TMEM196: variants seen among roughly 807,000 people sequenced by gnomAD.
TMEM196 encodes transmembrane protein 196.
In TMEM196, 17 loss-of-function variants were observed where a neutral mutation model predicts 20.0. That is an observed-to-expected ratio of 0.85 (90% confidence interval 0.58 to 1.27). The LOEUF (loss-of-function observed/expected upper bound fraction) is 1.27. Ranked by LOEUF, TMEM196 falls within the 50% of genes most tolerant of loss-of-function variation. The probability of loss-of-function intolerance (pLI) is 0.00; values close to 1 mark genes in which losing one functional copy is unlikely to be tolerated. For synonymous variants in TMEM196, 113 were observed against 88.9 expected (o/e 1.27, Z -1.52); for missense variants, 267 against 223.0 (o/e 1.20, Z -1.26).
Position 19,721,343 on chromosome 7 carries a change from T to C in TMEM196, c.*785A>G, listed in dbSNP as rs538104303. The C allele has an allele frequency of 6.6e-6, 1 of 152,110 alleles. No homozygotes were observed. The highest frequency in any genetic ancestry group is 1.5e-5 in the Non-Finnish European group (1 of 67,846). 9.4% of individuals were successfully genotyped at this position (152,110 alleles called of 1,614,324 possible). A position where few individuals can be genotyped will look rare whatever the true frequency, so the allele number is the denominator to read the frequency against. On this transcript the variant is annotated 3_prime_UTR_variant, in exon 5 of 5. Coordinates refer to ENST00000405844, the MANE Select transcript of TMEM196 (RefSeq NM_001363562.2). Reference sequence around the variant, plus strand: ...GTATACATGTTCTATATTTACAGTATGTATACACACATTCACACACATACT... The same window carrying C: ...GTATACATGTTCTATATTTACAGTACGTATACACACATTCACACACATACT...
rs114724069 is a variant in TMEM196 at position 19,729,648 on chromosome 7, G to C, written c.148-210C>G. Among the ~76,000 whole-genome samples, 1,399 of 152,306 alleles carry C rather than the reference G, an allele frequency of 9.2e-3. 21 individuals carry two copies. The highest frequency in any genetic ancestry group is 0.031 in the African/African-American group (1,305 of 41,554). Reference sequence around the variant, plus strand: ...AAATTTATTTTTTGCTAGATTGTTAGAGGTAATTGAATCAGTTTTAGCATC... The same window carrying C: ...AAATTTATTTTTTGCTAGATTGTTACAGGTAATTGAATCAGTTTTAGCATC... On this transcript the variant is annotated intron_variant, in intron 1 of 4. Transcript: ENST00000405844.
At chr7:19,726,521 T>A (rs1784006609) in intron 2 of TMEM196, among the ~76,000 whole-genome samples, 1 of 152,172 alleles carries the variant, frequency 6.6e-6, no homozygotes, top group South Asian at 2.1e-4. Flanking sequence ...CATTGAAGAA[T>A]ATACAATAGG....
rs1033156263 is a variant in TMEM196, at chr7:19,747,829, A to T, written c.148-18391T>A. Among the ~76,000 whole-genome samples, 6 of 152,260 alleles carry T rather than the reference A, an allele frequency of 3.9e-5. No homozygotes were observed. In the East Asian group the frequency reaches 1.2e-3, roughly 29 times the overall value. On this transcript the variant is annotated intron_variant, in intron 1 of 4. Transcript: ENST00000405844. ...TTTAATGAAGATCAGATCTTGGGTGATTGTGATGCGATGGGATAGGATGGA... is the reference window on the plus strand; with the variant it reads ...TTTAATGAAGATCAGATCTTGGGTGTTTGTGATGCGATGGGATAGGATGGA...
intron 1 of TMEM196, among the ~76,000 whole-genome samples, chr7:19,737,896 G>A (rs745351133): frequency 2.8e-4 from 42 of 151,644 alleles, no homozygotes; most frequent in East Asian, 3.9e-4. Flanking sequence ...AAATCTTAAC[G>A]TCTAAACAAT....
chr7:19,724,300 C>CG lies in TMEM196; in HGVS notation c.512dup (p.Thr172AspfsTer27), dbSNP rs1562604520. 1.9e-6 allele frequency: 3 copies of CG among 1,550,108 alleles called. No individual in the cohort carries two copies. The Admixed American group carries it at 5.9e-5, about 30-fold the overall frequency. ...CGTACCTTGTAGGTAACTCTGGTGT[C>CG]GGGGGCACCACCGGGCAGCTGGGCA... On this transcript the variant is annotated frameshift_variant, in exon 4 of 5. Transcript: ENST00000405844. LOFTEE classifies it high-confidence loss of function.
intron 1 of TMEM196, among the ~76,000 whole-genome samples, chr7:19,739,238 A>G (rs753257496): frequency 4.6e-5 from 7 of 152,150 alleles, no homozygotes; most frequent in East Asian, 1.9e-4. Flanking sequence ...AAGAGAATCA[A>G]CTCTACATGG....
At chr7:19,749,858 A>G (rs182502941) in intron 1 of TMEM196, among the ~76,000 whole-genome samples, 1 of 152,166 alleles carries the variant, frequency 6.6e-6, no homozygotes, top group African/African-American at 2.4e-5. Flanking sequence ...GAGTCATGCA[A>G]TCTTAACTTG....
intron 1 of TMEM196, among the ~76,000 whole-genome samples, chr7:19,743,797 CCA>C (rs1360842389): frequency 6.6e-6 from 1 of 152,040 alleles, no homozygotes; most frequent in African/African-American, 2.4e-5. Context: ...ATTTGATTTG[CCA>C]CAGAGTCCTA....
chr7:19,751,403 C>A (rs1784955645), intron 1 of TMEM196, among the ~76,000 whole-genome samples: 1 of 152,130 alleles, frequency 6.6e-6, no homozygotes, highest in Non-Finnish European at 1.5e-5. Flanking sequence ...TAAAAGAAAC[C>A]AATGGAGTAT....
In TMEM196 at chr7:19,725,667, T is replaced by C. The variant is rs1472427530; in HGVS notation, c.306A>G (p.Pro102=). The change falls in exon 3 of 5, where the codon CCA becomes CCG. Residue 102 remains proline (P), a synonymous_variant. Coordinates refer to ENST00000405844, the MANE Select transcript of TMEM196 (RefSeq NM_001363562.2). ...AVTKKTSSLY[P]LHLASMSLAC... Reference sequence around the variant, plus strand: ...CGAGAGACATGGAGGCAAGGTGCAGTGGGTATAGGGAGGAAGTTTTCTTTG... The same window carrying C: ...CGAGAGACATGGAGGCAAGGTGCAGCGGGTATAGGGAGGAAGTTTTCTTTG... 6.2e-7 allele frequency: 1 copy of C among 1,613,740 alleles called. No homozygotes were observed. Among genetic ancestry groups the C allele is most frequent in the African/African-American group, 1.3e-5 (1 of 74,814 alleles).
intron 1 of TMEM196, among the ~76,000 whole-genome samples, chr7:19,772,324 C>T (rs1562634143): frequency 7.2e-6 from 1 of 138,978 alleles, no homozygotes; most frequent in South Asian, 2.4e-4. Context: ...TTAATTTGGT[C>T]TTAAGCCCAA....
intron 1 of TMEM196, among the ~76,000 whole-genome samples, chr7:19,748,133 A>T (rs1784827745): frequency 6.6e-6 from 1 of 151,906 alleles, no homozygotes; most frequent in Non-Finnish European, 1.5e-5. Context: ...GGCATTGCTT[A>T]CAATGCTATC....
intron 1 of TMEM196, among the ~76,000 whole-genome samples, chr7:19,760,802 C>A (rs1022082711): frequency 6.6e-6 from 1 of 152,120 alleles, no homozygotes; most frequent in Non-Finnish European, 1.5e-5. Flanking sequence ...AGGACAAAAT[C>A]ACAACATAAA....
At chr7:19,728,160 C>T (rs945253583) in intron 2 of TMEM196, among the ~76,000 whole-genome samples, 2 of 152,098 alleles carry the variant, frequency 1.3e-5, no homozygotes, top group Non-Finnish European at 2.9e-5. Flanking sequence ...CCTCTTCCTT[C>T]CTTTTTTATT....
chr7:19,739,848 C>T (rs1460504412), intron 1 of TMEM196, among the ~76,000 whole-genome samples: 4 of 151,990 alleles, frequency 2.6e-5, no homozygotes, highest in African/African-American at 4.8e-5. Context: ...CTTTACTGTT[C>T]GATAATCTTG....
chr7:19,756,656 T>C (rs1785224709), intron 1 of TMEM196, among the ~76,000 whole-genome samples: 1 of 141,792 alleles, frequency 7.1e-6, no homozygotes, highest in South Asian at 2.3e-4. Context: ...TTAAAAGTTC[T>C]TATTGAAAGA....
intron 1 of TMEM196, among the ~76,000 whole-genome samples, chr7:19,732,572 CA>C (rs1306393130): frequency 2.0e-4 from 10 of 51,096 alleles, no homozygotes; most frequent in African/African-American, 2.5e-4. Context: ...GACTCCATCT[CA>C]AAAAAAAAAA....
intron 1 of TMEM196, among the ~76,000 whole-genome samples, chr7:19,769,952 G>T (rs1002807817): frequency 6.6e-6 from 1 of 152,054 alleles, no homozygotes; most frequent in Non-Finnish European, 1.5e-5. Context: ...TATTTAATTT[G>T]TTCCTTTTAA....
At chr7:19,736,355 A>T (rs1293127401) in intron 1 of TMEM196, among the ~76,000 whole-genome samples, 1 of 17,554 alleles carries the variant, frequency 5.7e-5, no homozygotes, top group African/African-American at 3.0e-4. Context: ...GGTTCCTACT[A>T]TATATATATA....
Sources: gnomAD v4.1 joint callset for allele counts (sites outside exome capture counted in the v4.1 genomes callset) on GRCh38, gnomAD v4.1.1 for gene constraint, MANE v1.5 for transcripts, NCBI Gene and HGNC (gene_info 2026-07-23, HGNC 2026-07-21) for gene names.